Variants in IPO11 observed in about 807,000 individuals in gnomAD.
IPO11 encodes the protein importin-11.
IPO11 carries 66 observed loss-of-function variants against 143.2 expected under a neutral mutation model. The observed-to-expected ratio is 0.46, with a 90% CI of 0.38 to 0.57. IPO11 has a LOEUF of 0.57. Ranked by LOEUF, IPO11 falls within the 20% of genes least tolerant of loss-of-function variation. The pLI is 0.00. For synonymous variants in IPO11, 385 were observed against 377.8 expected, an observed-to-expected ratio of 1.02 and a Z score of -0.22; for missense variants, 1,026 against 1,141.0, an observed-to-expected ratio of 0.90 and a Z score of 1.45.
At chr5:62,579,570 T>A (rs1744461136) in intron 27 of IPO11, 1 of 1,551,084 alleles carries the variant, frequency 6.4e-7, no homozygotes, top group Admixed American at 2.0e-5. Context: ...GGAGACAAAT[T>A]AACTGCCGTA....
intron 1 of IPO11, chr5:62,419,195 A>C: frequency 3.3e-6 from 5 of 1,502,742 alleles, no homozygotes; most frequent in Non-Finnish European, 4.4e-6. Context: ...TGTAGAAGTA[A>C]AAAATGGTAC....
At chr5:62,421,718 T>C (rs539843452) in intron 1 of IPO11, among the ~76,000 whole-genome samples, 3 of 152,336 alleles carry the variant, frequency 2.0e-5, no homozygotes, top group East Asian at 1.9e-4. Context: ...TGTTAACTTA[T>C]ATGGACTCAC....
chr5:62,602,731 G>T (rs1196510116), intron 29 of IPO11, among the ~76,000 whole-genome samples: 1 of 152,124 alleles, frequency 6.6e-6, no homozygotes, highest in Non-Finnish European at 1.5e-5. Context: ...TAAACTGTTT[G>T]AATTTAACTC....
At chr5:62,589,762 A>G (rs1046056289) in intron 27 of IPO11, among the ~76,000 whole-genome samples, 3 of 152,168 alleles carry the variant, frequency 2.0e-5, no homozygotes, top group East Asian at 1.9e-4. Context: ...GGGGAGACCA[A>G]TGGTGTCCAC....
At chr5:62,567,424 T>C (rs1743980341) in intron 27 of IPO11, among the ~76,000 whole-genome samples, 1 of 151,496 alleles carries the variant, frequency 6.6e-6, no homozygotes, top group Non-Finnish European at 1.5e-5. Context: ...GGTCTTTGAC[T>C]CTCTTGTCCC....
chr5:62,520,238 G>A (rs1396759850), intron 20 of IPO11, among the ~76,000 whole-genome samples: 1 of 152,198 alleles, frequency 6.6e-6, no homozygotes, highest in Admixed American at 6.5e-5. Flanking sequence ...TAGTGTCCAA[G>A]AACCTAAGTG....
intron 1 of IPO11, among the ~76,000 whole-genome samples, chr5:62,430,133 T>C (rs1743925345): frequency 6.6e-6 from 1 of 152,212 alleles, no homozygotes. Context: ...ATGAATAATG[T>C]TGCAGTGAAT....
chr5:62,622,467 C>A (rs977626289), intron 29 of IPO11, among the ~76,000 whole-genome samples: 3 of 152,104 alleles, frequency 2.0e-5, no homozygotes, highest in Admixed American at 6.5e-5. Context: ...CTAGCAGAAG[C>A]CTTGCTTGTG....
Position 62,508,463 on chromosome 5 carries a change from A to C in IPO11, c.1782+2106A>C, listed in dbSNP as rs115147550. On this transcript the variant is annotated intron_variant, in intron 19 of 29. Transcript: ENST00000325324. The stretch of plus-strand genomic sequence containing the variant: ...GCAGCTGGCCAGAATTATCTTTTTG[A>C]TATTAGGCAGCAAACATTTTGAGCC... 4.4e-3 allele frequency among the ~76,000 whole-genome samples: 671 copies of C among 151,962 alleles called. 7 individuals carry two copies. The highest frequency in any genetic ancestry group is 0.016 in the African/African-American group (647 of 41,436).
intron 16 of IPO11, among the ~76,000 whole-genome samples, chr5:62,500,229 C>T (rs927585834): frequency 5.3e-5 from 8 of 152,112 alleles, no homozygotes; most frequent in African/African-American, 1.9e-4. Flanking sequence ...CTGCTGTGAG[C>T]CATGATCATG....
chr5:62,450,159 C>T (rs1345116681), intron 4 of IPO11, among the ~76,000 whole-genome samples, 160 bp downstream of exon 4: 1 of 151,954 alleles, frequency 6.6e-6, no homozygotes, highest in Non-Finnish European at 1.5e-5. Flanking sequence ...CTATTTGTAG[C>T]GTTGAATAGT....
intron 27 of IPO11, among the ~76,000 whole-genome samples, chr5:62,567,848 C>T (rs1744008141): frequency 6.6e-6 from 1 of 151,592 alleles, no homozygotes; most frequent in South Asian, 2.1e-4. Context: ...AGGCGTGAGC[C>T]ACCGCACCCC....
At chr5:62,460,314 C>T (rs943486716) in intron 5 of IPO11, among the ~76,000 whole-genome samples, 2 of 152,040 alleles carry the variant, frequency 1.3e-5, no homozygotes, top group Admixed American at 1.3e-4. Flanking sequence ...TCCCTCTCCC[C>T]CTTAAAAATG....
chr5:62,553,157 C>T (rs765841043), intron 26 of IPO11, among the ~76,000 whole-genome samples: 3 of 152,132 alleles, frequency 2.0e-5, no homozygotes, highest in Non-Finnish European at 4.4e-5. Flanking sequence ...CTACTTTCTG[C>T]TTCTTTGAGG....
chr5:62,544,680 A>G (rs1743091328), intron 24 of IPO11, among the ~76,000 whole-genome samples: 1 of 152,212 alleles, frequency 6.6e-6, no homozygotes, highest in African/African-American at 2.4e-5. Flanking sequence ...TGCAGATGAC[A>G]TGATTGTATA....
intron 29 of IPO11, among the ~76,000 whole-genome samples, chr5:62,612,593 T>C (rs1402441703): frequency 1.3e-5 from 2 of 152,236 alleles, no homozygotes; most frequent in Admixed American, 6.5e-5. Flanking sequence ...TAAAGAGATA[T>C]TTTTATTTTG....
At chr5:62,574,228 T>C (rs1460480858) in intron 27 of IPO11, among the ~76,000 whole-genome samples, 3 of 152,176 alleles carry the variant, frequency 2.0e-5, no homozygotes, top group South Asian at 4.1e-4. Flanking sequence ...AAGGTTATTA[T>C]AGTTATTGGA....
At chr5:62,618,015 CTT>C (rs1172657228) in intron 29 of IPO11, among the ~76,000 whole-genome samples, 1 of 151,930 alleles carries the variant, frequency 6.6e-6, no homozygotes, top group Non-Finnish European at 1.5e-5. Flanking sequence ...GATCAGGAAA[CTT>C]AATATCTATA....
At chr5:62,558,023 G>C (rs1440197623) in intron 26 of IPO11, among the ~76,000 whole-genome samples, 1 of 152,084 alleles carries the variant, frequency 6.6e-6, no homozygotes, top group Non-Finnish European at 1.5e-5. Context: ...AATGTACTGT[G>C]GTTTTAAAAG....
Sources: gnomAD v4.1 joint callset for allele counts (sites outside exome capture counted in the v4.1 genomes callset) on GRCh38, gnomAD v4.1.1 for gene constraint, MANE v1.5 for transcripts, NCBI Gene and HGNC (gene_info 2026-07-23, HGNC 2026-07-21) for gene names.